Variants in RHOH observed in about 807,000 individuals in gnomAD.
The protein encoded by RHOH is rho-related GTP-binding protein RhoH.
In RHOH, 6 loss-of-function variants were observed where a neutral mutation model predicts 13.8. The observed-to-expected ratio is 0.44, with a 90% CI of 0.24 to 0.86. RHOH has a LOEUF of 0.86. Ranked by LOEUF, RHOH falls within the 40% of genes least tolerant of loss-of-function variation. RHOH has a pLI of 0.24. For missense variants in RHOH, 147 were observed against 244.5 expected (o/e 0.60, Z 2.66); for synonymous variants, 117 against 103.0 (o/e 1.14, Z -0.82).
rs115314968 is a variant in RHOH, at chr4:40,243,649, A to G, written c.263A>G (p.His88Arg). ...CTGATGTGCTACTCTGTGGCCAACC[A>G]TAACTCATTCCTGAACTTGAAGAAC... The part of the protein sequence containing the change: ...VVLMCYSVAN[H>R]NSFLNLKNKW... Residue 88 changes from histidine to arginine, a missense_variant, in exon 3 of 3, where the codon CAT becomes CGT. Physicochemically the swap from His to Arg is conservative, Grantham distance 29. Transcript: ENST00000381799. This position sits in a 1 kb window ranked among gnomAD's most constrained non-coding sequence, Gnocchi z 6.2. 1.1e-5 allele frequency: 18 copies of G among 1,614,106 alleles called. No individual in the cohort carries two copies. Among genetic ancestry groups the G allele is most frequent in the East Asian group, 8.9e-5 (4 of 44,886 alleles).
At chr4:40,223,487 T>C (rs944948338) in intron 1 of RHOH, among the ~76,000 whole-genome samples, 5 of 150,494 alleles carry the variant, frequency 3.3e-5, no homozygotes, top group Non-Finnish European at 4.4e-5. Context: ...TTTTTTTTTT[T>C]TTAGAGAGGG....
chr4:40,221,423 C>T (rs1259955018), intron 1 of RHOH, among the ~76,000 whole-genome samples: 1 of 152,146 alleles, frequency 6.6e-6, no homozygotes, highest in South Asian at 2.1e-4. Flanking sequence ...CTATCGGCAC[C>T]ATTTTCCCAA....
upstream of RHOH, among the ~76,000 whole-genome samples, chr4:40,195,354 TTTCCTTCCTTCCTTCCTTCCTTCC>T (rs376202855): frequency 5.9e-4 from 54 of 92,046 alleles, no homozygotes; most frequent in East Asian, 1.6e-3. Context: ...CTTTCTTTCT[TTTCCTTCCTTCCTTCCTTCCTTCC>T]TTCCTTCCTT....
At chr4:40,215,834 C>T (rs768321393) in intron 1 of RHOH, among the ~76,000 whole-genome samples, 19 of 152,076 alleles carry the variant, frequency 1.2e-4, no homozygotes, top group Non-Finnish European at 5.9e-5. Context: ...GCATGAGAAT[C>T]GCTTGAACCT....
At chr4:40,227,799 T>C (rs1349412799) in intron 1 of RHOH, among the ~76,000 whole-genome samples, 1 of 152,182 alleles carries the variant, frequency 6.6e-6, no homozygotes, top group Non-Finnish European at 1.5e-5. Context: ...AAAAAATATA[T>C]GTTGTCAAGA....
intron 1 of RHOH, among the ~76,000 whole-genome samples, chr4:40,232,047 G>A (rs1244686692): frequency 6.6e-6 from 1 of 152,182 alleles, no homozygotes; most frequent in Admixed American, 6.5e-5. Flanking sequence ...CCCTTTGTTG[G>A]CACTTTATTT....
At chr4:40,220,030 G>A (rs1726358882) in intron 1 of RHOH, among the ~76,000 whole-genome samples, 1 of 152,196 alleles carries the variant, frequency 6.6e-6, no homozygotes, top group African/African-American at 2.4e-5. Context: ...AGTAAAGAGA[G>A]AGAACTCGGC....
chr4:40,207,902 G>T (rs903878023), intron 1 of RHOH, among the ~76,000 whole-genome samples: 3 of 152,062 alleles, frequency 2.0e-5, no homozygotes, highest in Non-Finnish European at 4.4e-5. Context: ...GGAGGCGGAG[G>T]TTGCAGTGAG....
At position 40,243,016 on chromosome 4, in the gene RHOH, G is replaced by T; in HGVS notation, c.-209-162G>T. The T allele has an allele frequency of 6.3e-5, 12 of 190,690 alleles. No homozygotes were observed. Among genetic ancestry groups the T allele is most frequent in the Middle Eastern group, 2.1e-3 (1 of 468 alleles). 11.8% of individuals were successfully genotyped at this position (190,690 alleles called of 1,614,324 possible). Reference sequence around the variant, plus strand: ...GTGTGTTGGGGGAAGACAGATCTAAGCTCTCCCTGTGAGGGGAAGAGTGGA... The same window carrying T: ...GTGTGTTGGGGGAAGACAGATCTAATCTCTCCCTGTGAGGGGAAGAGTGGA... On this transcript the variant is annotated intron_variant, in intron 2 of 2. Coordinates refer to ENST00000381799, the MANE Select transcript of RHOH (RefSeq NM_004310.5). This position sits in a 1 kb window ranked among gnomAD's most constrained non-coding sequence, Gnocchi z 6.2.
intron 1 of RHOH, among the ~76,000 whole-genome samples, chr4:40,223,884 T>G (rs1311304260): frequency 1.3e-5 from 2 of 150,538 alleles, no homozygotes; most frequent in African/African-American, 4.9e-5. Context: ...GCAATTCTCC[T>G]GCCTCAGCCT....
intron 1 of RHOH, among the ~76,000 whole-genome samples, chr4:40,211,390 C>G (rs993134303): frequency 6.6e-5 from 10 of 152,134 alleles, no homozygotes; most frequent in African/African-American, 2.4e-4. Flanking sequence ...CTCAGCCTCA[C>G]AAGTAGCTGG....
At chr4:40,199,229 GA>G (rs138902984) in intron 1 of RHOH, among the ~76,000 whole-genome samples, 1 of 151,448 alleles carries the variant, frequency 6.6e-6, no homozygotes, top group African/African-American at 2.4e-5. Context: ...GTGCCTGACT[GA>G]AAAAAAAATC....
In RHOH at chr4:40,238,040, TGATCCGTATGAGC is replaced by T. The variant is rs149156081; in HGVS notation, c.-330-4673_-330-4661del. Among the ~76,000 whole-genome samples, 1,336 of 152,360 alleles carry T rather than the reference TGATCCGTATGAGC, an allele frequency of 8.8e-3. 11 individuals carry two copies. The highest frequency in any genetic ancestry group is 0.024 in the Middle Eastern group (7 of 294). On this transcript the variant is annotated intron_variant, in intron 1 of 2. Coordinates refer to ENST00000381799, the MANE Select transcript of RHOH (RefSeq NM_004310.5). ...TTTCTGTATTGTTATCATTTCCACC[TGATCCGTATGAGC>T]TCACAGTGAAGAGGGCAGGGCAAAT...
At chr4:40,240,398 G>C (rs1371491715) in intron 1 of RHOH, 1 of 152,158 alleles carries the variant, frequency 6.6e-6, no homozygotes, top group Admixed American at 6.6e-5. Flanking sequence ...AAGATCACTT[G>C]GGAGGTGGAG....
upstream of RHOH, among the ~76,000 whole-genome samples, chr4:40,191,846 A>G (rs1403350777): frequency 6.6e-6 from 1 of 152,218 alleles, no homozygotes; most frequent in African/African-American, 2.4e-5. Context: ...GATGAGAATA[A>G]CAGCAGGGGA....
chr4:40,242,240 A>G (rs1246126024), intron 1 of RHOH, among the ~76,000 whole-genome samples: 1 of 152,246 alleles, frequency 6.6e-6, no homozygotes, highest in Non-Finnish European at 1.5e-5. Flanking sequence ...AGATTGTCCC[A>G]TTTATGCAGT....
intron 1 of RHOH, among the ~76,000 whole-genome samples, chr4:40,205,195 C>T (rs942024556): frequency 1.3e-5 from 2 of 152,162 alleles, no homozygotes; most frequent in Non-Finnish European, 2.9e-5. Context: ...ATCCAGGAGA[C>T]AGAGGTTTCA....
intron 1 of RHOH, among the ~76,000 whole-genome samples, chr4:40,198,277 G>T (rs1723489427): frequency 6.6e-6 from 1 of 152,184 alleles, no homozygotes; most frequent in Non-Finnish European, 1.5e-5. Context: ...CAGACTGGGA[G>T]GACCTTGTGG....
In RHOH at chr4:40,226,395, G is replaced by A. The variant is rs192457641; in HGVS notation, c.-330-16319G>A. Among the ~76,000 whole-genome samples, 45 of 151,800 alleles carry A rather than the reference G, an allele frequency of 3.0e-4. No individual in the cohort carries two copies. The South Asian group carries it at 3.3e-3, about 11-fold the overall frequency. ...TACAAAATTAGCTGGGTGTGGTGGC[G>A]CATGCCTGTTATTCCAGCTACTTGG... On this transcript the variant is annotated intron_variant, in intron 1 of 2. Coordinates refer to ENST00000381799, the MANE Select transcript of RHOH (RefSeq NM_004310.5).
Sources: allele counts gnomAD v4.1 joint callset (sites outside exome capture counted in the v4.1 genomes callset), GRCh38; gene constraint gnomAD v4.1.1; non-coding constraint Gnocchi (gnomAD v3.1); transcripts MANE v1.5; gene names NCBI Gene and HGNC (gene_info 2026-07-23, HGNC 2026-07-21).